The following ARHGEF37 variants were observed in gnomAD, a reference collection of about 807,000 sequenced individuals.
ARHGEF37 encodes the protein Rho guanine nucleotide exchange factor 37.
Under a neutral mutation model 71.1 loss-of-function variants are expected in ARHGEF37, and 55 were observed. The ratio of observed to expected loss-of-function variants is 0.77; its 90% CI spans 0.62 to 0.97. ARHGEF37 has a LOEUF of 0.97. Among genes scored for constraint, ARHGEF37 ranks in the 50% least tolerant of loss-of-function variants. The pLI is 0.00. For missense variants in ARHGEF37, 765 were observed against 836.8 expected, an observed-to-expected ratio of 0.91 and a Z score of 1.06; for synonymous variants, 327 against 350.6, an observed-to-expected ratio of 0.93 and a Z score of 0.75.
At chr5:149,603,011 C>T (rs767369604) in intron 3 of ARHGEF37, among the ~76,000 whole-genome samples, 5 of 152,158 alleles carry the variant, frequency 3.3e-5, no homozygotes, top group Non-Finnish European at 7.3e-5. Flanking sequence ...CGGCTCACTG[C>T]AACCTCTGCC....
At position 149,632,381 on chromosome 5, in the gene ARHGEF37, G is replaced by A; in HGVS notation, c.*190G>A. 1 of 629,016 alleles carries A rather than the reference G, an allele frequency of 1.6e-6. No homozygotes were observed. The highest frequency in any genetic ancestry group is 2.7e-6 in the Non-Finnish European group (1 of 364,294). 39.0% of individuals were successfully genotyped at this position (629,016 alleles called of 1,614,324 possible). On this transcript the variant is annotated 3_prime_UTR_variant, in exon 13 of 13. Coordinates refer to ENST00000333677, the MANE Select transcript of ARHGEF37 (RefSeq NM_001001669.3). The stretch of plus-strand genomic sequence containing the variant: ...GAGTGCTTGGTGTGGTGGGGGCACA[G>A]GAGGCTCCAGCCAGGACTGCTCATT...
chr5:149,628,989 G>A (rs1752794682), intron 12 of ARHGEF37, 23 bp downstream of exon 12: 5 of 1,602,956 alleles, frequency 3.1e-6, no homozygotes, highest in Non-Finnish European at 4.3e-6. Context: ...GAGGGCTGGG[G>A]GCTTGCCTCC....
intron 1 of ARHGEF37, 135 bp from the exon 2 acceptor site, chr5:149,597,624 A>G (rs1763584688): frequency 1.4e-6 from 1 of 735,574 alleles, no homozygotes; most frequent in South Asian, 2.4e-5. Context: ...AAATGCTAAT[A>G]AACAGTTCAT....
chr5:149,581,582 C>G lies in ARHGEF37; in HGVS notation c.-54C>G, dbSNP rs1763107618. 1 of 152,092 alleles carries G rather than the reference C, an allele frequency of 6.6e-6. No homozygotes were observed. The highest frequency in any genetic ancestry group is 1.5e-5 in the Non-Finnish European group (1 of 68,012). The allele number at this position is 152,092 out of a possible 1,614,324, so 9.4% of individuals were successfully genotyped here. On this transcript the variant is annotated 5_prime_UTR_variant, in exon 1 of 13. Transcript: ENST00000333677. Reference sequence around the variant, plus strand: ...CCGGCTGCGCTGTTGCCCGGGCGGCCGACCTCCGTGCGTGAGCGCCGGCAG... The same window carrying G: ...CCGGCTGCGCTGTTGCCCGGGCGGCGGACCTCCGTGCGTGAGCGCCGGCAG...
At chr5:149,583,230 G>A (rs7724654) in intron 1 of ARHGEF37, among the ~76,000 whole-genome samples, 38,978 of 152,116 alleles carry the variant, frequency 0.26, 5,423 homozygotes, top group Admixed American at 0.41. Context: ...TCCGCCTCCC[G>A]GGTTCAAGCA....
chr5:149,631,608 CAGT>C (rs1752886400), intron 12 of ARHGEF37, among the ~76,000 whole-genome samples: 2 of 152,158 alleles, frequency 1.3e-5, no homozygotes, highest in Admixed American at 1.3e-4. Context: ...AGTGATGTGG[CAGT>C]AGTGGATCAA....
intron 4 of ARHGEF37, among the ~76,000 whole-genome samples, chr5:149,612,179 T>A (rs1245366848): frequency 1.3e-5 from 2 of 151,916 alleles, no homozygotes; most frequent in Non-Finnish European, 2.9e-5. Flanking sequence ...GACTTTCTCT[T>A]TTTTTTGAGA....
chr5:149,576,012 G>A (rs963501703), intron 1 of ARHGEF37, among the ~76,000 whole-genome samples: 15 of 152,178 alleles, frequency 9.9e-5, no homozygotes, highest in Admixed American at 3.9e-4. Context: ...TTGGGAGGCC[G>A]AGGTGGGCAG....
Position 149,616,745 on chromosome 5 carries a change from T to G in ARHGEF37, c.637T>G (p.Tyr213Asp). The change falls in exon 5 of 13, where the codon TAC (tyrosine) becomes GAC (aspartate). Residue 213 changes from tyrosine (Y) to aspartate (D), a missense_variant. By Grantham distance (160) the Tyr-to-Asp change is radical. Coordinates refer to ENST00000333677, the MANE Select transcript of ARHGEF37 (RefSeq NM_001001669.3). ...LQDVNTNINE[Y>D]KMRKEVASKY... Reference sequence around the variant, plus strand: ...GGACGTGAACACCAATATCAATGAGTACAAGATGCGCAAGGAAGTGGGTAA... The same window carrying G: ...GGACGTGAACACCAATATCAATGAGGACAAGATGCGCAAGGAAGTGGGTAA... 1 of 1,607,256 alleles carries G rather than the reference T, an allele frequency of 6.2e-7. No homozygotes were observed. Among genetic ancestry groups the G allele is most frequent in the Non-Finnish European group, 8.5e-7 (1 of 1,174,350 alleles).
chr5:149,587,894 C>CCTTTTT (rs1561790080), intron 1 of ARHGEF37, among the ~76,000 whole-genome samples: 2 of 129,164 alleles, frequency 1.5e-5, no homozygotes, highest in African/African-American at 3.0e-5. Flanking sequence ...TCCCTTTAGT[C>CCTTTTT]TTTTTTTTTT....
At chr5:149,607,755 CTT>C (rs67079479) in intron 3 of ARHGEF37, among the ~76,000 whole-genome samples, 45 of 83,096 alleles carry the variant, frequency 5.4e-4, no homozygotes, top group African/African-American at 1.3e-3. Flanking sequence ...AAAGAAACTT[CTT>C]TTTTTTTTTT....
chr5:149,621,700 T>C (rs760186250), intron 8 of ARHGEF37, 33 bp from the exon 9 acceptor site: 6 of 1,579,890 alleles, frequency 3.8e-6, no homozygotes, highest in East Asian at 4.5e-5. Flanking sequence ...TGCCACCTCC[T>C]TTCCCGACTC....
chr5:149,584,388 G>C (rs1763179049), intron 1 of ARHGEF37, among the ~76,000 whole-genome samples: 1 of 152,166 alleles, frequency 6.6e-6, no homozygotes, highest in Non-Finnish European at 1.5e-5. Context: ...GTGTATGTCT[G>C]TCTGCGTATG....
intron 1 of ARHGEF37, among the ~76,000 whole-genome samples, chr5:149,588,454 G>T (rs762851295): frequency 6.6e-6 from 1 of 151,894 alleles, no homozygotes; most frequent in African/African-American, 2.4e-5. Flanking sequence ...GTGCTACCAC[G>T]CCTGGCTAAG....
intron 11 of ARHGEF37, among the ~76,000 whole-genome samples, chr5:149,628,486 C>T (rs1237793472): frequency 1.3e-5 from 2 of 152,188 alleles, no homozygotes; most frequent in Admixed American, 1.3e-4. Flanking sequence ...TCTGGGCAGA[C>T]ACCAGAGGGG....
At chr5:149,564,252 T>C (rs75631873) in intron 1 of ARHGEF37, among the ~76,000 whole-genome samples, 2 of 152,216 alleles carry the variant, frequency 1.3e-5, no homozygotes, top group Non-Finnish European at 2.9e-5. Context: ...CTTTATACAA[T>C]ATTAGTCTTA....
chr5:149,581,939 ACAG>A (rs1763119410), intron 1 of ARHGEF37, among the ~76,000 whole-genome samples: 1 of 152,218 alleles, frequency 6.6e-6, no homozygotes, highest in Non-Finnish European at 1.5e-5. Flanking sequence ...AGGATTTCAG[ACAG>A]CTTTTAGAAA....
chr5:149,631,952 C>A (rs1178852792), intron 12 of ARHGEF37, 30 bp from the exon 13 acceptor site: 4 of 1,609,122 alleles, frequency 2.5e-6, no homozygotes, highest in South Asian at 1.1e-5. Context: ...TCACCCTGAC[C>A]ATTTCTGTGT....
At chr5:149,595,934 T>C (rs1229265552) in intron 1 of ARHGEF37, among the ~76,000 whole-genome samples, 1 of 148,214 alleles carries the variant, frequency 6.7e-6, no homozygotes, top group Non-Finnish European at 1.5e-5. Context: ...ATCTTCTGTG[T>C]GGATAGCTGC....
Sources: allele counts gnomAD v4.1 joint callset (sites outside exome capture counted in the v4.1 genomes callset), GRCh38; gene constraint gnomAD v4.1.1; transcripts MANE v1.5; gene names NCBI Gene and HGNC (gene_info 2026-07-23, HGNC 2026-07-21).